The following PCDHA8 variants were observed in gnomAD, a reference collection of about 807,000 sequenced individuals.
PCDHA8 encodes the protein protocadherin alpha-8.
In PCDHA8, 53 loss-of-function variants were observed where a neutral mutation model predicts 61.8. That is an observed-to-expected ratio of 0.86 (90% confidence interval 0.69 to 1.08). The LOEUF is 1.08. PCDHA8 is among the 50% of genes least tolerant of loss of function. The pLI is 0.00. For missense variants in PCDHA8, 1,293 were observed against 1,245.0 expected (o/e 1.04, Z -0.58); for synonymous variants, 618 against 556.6 (o/e 1.11, Z -1.55).
intron 1 of PCDHA8, chr5:140,855,960 T>A (rs933070909): frequency 4.3e-6 from 6 of 1,398,506 alleles, no homozygotes; most frequent in East Asian, 2.3e-5. Flanking sequence ...CGATAAAAAA[T>A]AGATATAAGA....
intron 1 of PCDHA8, chr5:140,927,555 C>G: frequency 6.2e-7 from 1 of 1,614,176 alleles, no homozygotes. Context: ...AAGTCACCAT[C>G]ATTGTGGTGG....
At chr5:140,906,933 G>A (rs1214323970) in intron 1 of PCDHA8, among the ~76,000 whole-genome samples, 2 of 152,158 alleles carry the variant, frequency 1.3e-5, no homozygotes, top group African/African-American at 4.8e-5. Flanking sequence ...GTGTCCCGGT[G>A]TCAATCTTAA....
chr5:140,853,782 G>C (rs555382075), intron 1 of PCDHA8: 1 of 987,688 alleles, frequency 1.0e-6, no homozygotes, highest in Non-Finnish European at 1.2e-6. Context: ...TGGGTAGTAA[G>C]AGCAAATTTT....
intron 1 of PCDHA8, among the ~76,000 whole-genome samples, chr5:140,943,588 T>C (rs1179171934): frequency 1.3e-5 from 2 of 152,176 alleles, no homozygotes; most frequent in Non-Finnish European, 2.9e-5. Context: ...TGAGTGGGGC[T>C]GAATTCTAAA....
intron 1 of PCDHA8, chr5:140,968,160 A>G: frequency 7.4e-6 from 12 of 1,614,104 alleles, no homozygotes; most frequent in Non-Finnish European, 1.0e-5. Context: ...ATCAATGACA[A>G]TCCACCAAGC....
chr5:140,870,475 G>T, intron 1 of PCDHA8: 2 of 1,614,214 alleles, frequency 1.2e-6, no homozygotes, highest in Non-Finnish European at 1.7e-6. Flanking sequence ...CGCACAGCCC[G>T]AGTACACCGT....
intron 1 of PCDHA8, among the ~76,000 whole-genome samples, chr5:140,844,056 C>T (rs2150368567): frequency 1.3e-5 from 2 of 149,686 alleles, no homozygotes; most frequent in African/African-American, 4.9e-5. Context: ...TCCCCCAAAG[C>T]GTTTATTCTT....
At chr5:140,854,961 T>C (rs557755220) in intron 1 of PCDHA8, among the ~76,000 whole-genome samples, 1 of 150,064 alleles carries the variant, frequency 6.7e-6, no homozygotes, top group South Asian at 2.1e-4. Flanking sequence ...TTAATTACTT[T>C]ATTCAGAATT....
intron 1 of PCDHA8, among the ~76,000 whole-genome samples, chr5:140,909,531 G>A (rs2074565633): frequency 6.6e-6 from 1 of 152,160 alleles, no homozygotes. Flanking sequence ...CACATTTTGA[G>A]TCCTTGATGG....
At chr5:140,892,011 A>G (rs1001369849) in intron 1 of PCDHA8, among the ~76,000 whole-genome samples, 10 of 152,244 alleles carry the variant, frequency 6.6e-5, no homozygotes, top group African/African-American at 2.4e-4. Flanking sequence ...CTGTTATAGC[A>G]GCACAAATGG....
chr5:140,940,903 A>T (rs1177865937), intron 1 of PCDHA8, among the ~76,000 whole-genome samples: 1 of 152,242 alleles, frequency 6.6e-6, no homozygotes, highest in Admixed American at 6.5e-5. Context: ...CTTTAAATCA[A>T]GTTCAAGACT....
chr5:140,900,257 T>G (rs1184928608), intron 1 of PCDHA8, among the ~76,000 whole-genome samples: 3 of 152,108 alleles, frequency 2.0e-5, no homozygotes, highest in Admixed American at 6.6e-5. Context: ...TGAATAGTAC[T>G]CCATTGTGTA....
chr5:140,935,057 G>A (rs2090168860), intron 1 of PCDHA8, among the ~76,000 whole-genome samples: 1 of 152,034 alleles, frequency 6.6e-6, no homozygotes, highest in Non-Finnish European at 1.5e-5. Flanking sequence ...ATTACAAGAT[G>A]TTCAGATTAT....
At chr5:140,843,746 T>C (rs1554140400) in intron 1 of PCDHA8, 31 bp downstream of exon 1, 6 of 1,531,640 alleles carry the variant, frequency 3.9e-6, no homozygotes, top group Non-Finnish European at 5.4e-6. Context: ...AACTCATAAA[T>C]TCTATTTGTG....
At chr5:140,895,080 C>T (rs537991545) in intron 1 of PCDHA8, among the ~76,000 whole-genome samples, 11 of 152,246 alleles carry the variant, frequency 7.2e-5, no homozygotes, top group Admixed American at 1.3e-4. Context: ...CTATCAGTTC[C>T]TCCTCAGTAT....
At position 140,848,735 on chromosome 5, in the gene PCDHA8, G is replaced by A. The variant is rs141612292; in HGVS notation, c.2394+5020G>A. On this transcript the variant is annotated intron_variant, in intron 1 of 3. Transcript: ENST00000531613. ...GGGACCTTCTGGAGGTAAATCTGCA[G>A]AATGGCATTTTGTTTGTGAATTCTC... 5.7e-6 allele frequency: 9 copies of A among 1,592,880 alleles called. No homozygotes were observed. In the African/African-American group the frequency reaches 1.1e-4, roughly 19 times the overall value.
intron 3 of PCDHA8, among the ~76,000 whole-genome samples, chr5:140,992,192 C>T (rs2097497943): frequency 6.6e-6 from 1 of 152,124 alleles, no homozygotes; most frequent in Admixed American, 6.5e-5. Flanking sequence ...TTTCAGTGAT[C>T]TATCCAATCA....
At chr5:140,972,871 C>G (rs1436283252) in intron 1 of PCDHA8, among the ~76,000 whole-genome samples, 1 of 152,030 alleles carries the variant, frequency 6.6e-6, no homozygotes, top group Non-Finnish European at 1.5e-5. Flanking sequence ...ATCATGTTGT[C>G]CAGGATGGTC....
rs1382379376 is a variant in PCDHA8, at chr5:140,858,936, T to A, written c.2394+15221T>A. On this transcript the variant is annotated intron_variant, in intron 1 of 3. Transcript: ENST00000531613. ...TATACTGCCATAGTAGATTTCAATG[T>A]TCAGTGATTACAGCTTTTTCTCAAT... The A allele has an allele frequency of 1.2e-5, 2 of 160,734 alleles. 1 individual carries two copies. Among genetic ancestry groups the A allele is most frequent in the Non-Finnish European group, 2.7e-5 (2 of 74,452 alleles). The allele number at this position is 160,734 out of a possible 1,614,324, so 10.0% of individuals were successfully genotyped here.
Sources: allele counts gnomAD v4.1 joint callset (sites outside exome capture counted in the v4.1 genomes callset), GRCh38; gene constraint gnomAD v4.1.1; transcripts MANE v1.5; gene names NCBI Gene and HGNC (gene_info 2026-07-23, HGNC 2026-07-21).